The following MEGF8 variants were observed in gnomAD, a reference collection of about 807,000 sequenced individuals.
The protein encoded by MEGF8 is multiple EGF like domains 8, also known as multiple epidermal growth factor-like domains protein 8.
A neutral mutation model predicts 302.9 loss-of-function variants in MEGF8; 156 were observed. That is an observed-to-expected ratio of 0.52 (90% CI 0.45 to 0.59). MEGF8 has a LOEUF of 0.59. Among genes scored for constraint, MEGF8 ranks in the 20% least tolerant of loss-of-function variants. The probability of loss-of-function intolerance (pLI) is 0.00; values close to 1 mark genes in which losing one functional copy is unlikely to be tolerated. For missense variants in MEGF8, 3,345 were observed against 3,964.5 expected, an observed-to-expected ratio of 0.84 and a Z score of 4.20; for synonymous variants, 1,621 against 1,660.5, an observed-to-expected ratio of 0.98 and a Z score of 0.58.
chr19:42,343,930 C>T, intron 9 of MEGF8, 24 bp from the exon 10 acceptor site: 1 of 1,609,684 alleles, frequency 6.2e-7, no homozygotes, highest in Non-Finnish European at 8.5e-7. Context: ...TTGCCTCCCC[C>T]TCTGTCCCCT....
chr19:42,355,193 G>A (rs1367720459), intron 23 of MEGF8, among the ~76,000 whole-genome samples: 1 of 152,150 alleles, frequency 6.6e-6, no homozygotes, highest in African/African-American at 2.4e-5. Context: ...CTGACCTCAA[G>A]TGATTCGCCC....
rs369680099 is a variant in MEGF8, at chr19:42,363,103, C to G, written c.6114C>G (p.Ser2038Arg). 2.5e-6 allele frequency: 4 copies of G among 1,613,304 alleles called. No individual in the cohort carries two copies. ...VQPTYDWTCFSHSLLNVSPMP... is the reference protein window; with the variant it reads ...VQPTYDWTCFRHSLLNVSPMP... ...CCACCTATGACTGGACGTGCTTCAG[C>G]CACTCTCTGCTGAATGTGTCCCCCA... Residue 2038 changes from serine to arginine, a missense_variant, in exon 35 of 42, where the codon AGC (serine) becomes AGG (arginine). By Grantham distance (110) the Ser-to-Arg change is moderately radical. Transcript: ENST00000251268.
In MEGF8 at chr19:42,344,654, C is replaced by A; in HGVS notation, c.1934-16C>A. 1 of 1,562,984 alleles carries A rather than the reference C, an allele frequency of 6.4e-7. No homozygotes were observed. The highest frequency in any genetic ancestry group is 8.7e-7 in the Non-Finnish European group (1 of 1,150,738). ...CTCCACACTGACCCACCGGCCCCCA[C>A]CCCCTGTCTTCTCAGAGCAGGCCCG... On this transcript the variant is annotated splice_polypyrimidine_tract_variant and intron_variant, in intron 11 of 41. Transcript: ENST00000251268. The surrounding 1 kb of genome is among the most constrained non-coding windows in gnomAD (Gnocchi z 4.5).
At chr19:42,335,577 G>A (rs1236679160) in intron 5 of MEGF8, among the ~76,000 whole-genome samples, 192 bp downstream of exon 5, 1 of 151,788 alleles carries the variant, frequency 6.6e-6, no homozygotes, top group Non-Finnish European at 1.5e-5. Context: ...ATCTGCCTTT[G>A]TGCATCTTAT....
intron 1 of MEGF8, among the ~76,000 whole-genome samples, chr19:42,328,715 C>T (rs866815808): frequency 6.6e-6 from 1 of 152,066 alleles, no homozygotes; most frequent in South Asian, 2.1e-4. Context: ...TGGGGCGGAT[C>T]ACCTGACGTC....
rs771890594 is a variant in MEGF8 at position 42,359,176 on chromosome 19, G to A, written c.5422G>A (p.Glu1808Lys). ...VVLGGRSDPD[E>K]FSSDVLLYQV... ...TCTTGGGGGGCGCTCGGACCCTGAC[G>A]AGTTCAGCAGCGACGTTCTGCTCTA... The change falls in exon 31 of 42, where the codon GAG becomes AAG. Residue 1808 changes from glutamate (E) to lysine (K), a missense_variant. Glu to Lys is a moderately conservative substitution (Grantham distance 56). Transcript: ENST00000251268. 7 of 1,603,746 alleles carry A rather than the reference G, an allele frequency of 4.4e-6. No homozygotes were observed. Among genetic ancestry groups the A allele is most frequent in the African/African-American group, 1.3e-5 (1 of 74,328 alleles).
Position 42,326,328 on chromosome 19 carries a change from G to T in MEGF8, c.85G>T (p.Asp29Tyr), listed in dbSNP as rs750104104. The stretch of plus-strand genomic sequence containing the variant: ...GCTGTCCCCTGGGGCCCGGGCGGGG[G>T]ACTGCAAGGGGCAGCGGCAGGTGCT... Reference protein sequence around the residue: ...GSLSPGARAGDCKGQRQVLRE... With the variant: ...GSLSPGARAGYCKGQRQVLRE... Residue 29 changes from aspartate (D) to tyrosine (Y), a missense_variant, in exon 1 of 42, where the codon GAC (aspartate) becomes TAC (tyrosine). Physicochemically the swap from Asp to Tyr is radical, Grantham distance 160. Transcript: ENST00000251268. 4 of 1,571,082 alleles carry T rather than the reference G, an allele frequency of 2.5e-6. No homozygotes were observed. The highest frequency in any genetic ancestry group is 2.3e-5 in the South Asian group (2 of 85,656).
Position 42,378,279 on chromosome 19 carries a change from G to A in MEGF8, c.*1504G>A, listed in dbSNP as rs750587106. On this transcript the variant is annotated 3_prime_UTR_variant, in exon 42 of 42. Transcript: ENST00000251268. ...GCTGCAGGGATAAAGCTCAGTGGTGGTGTTACCTCACCGGGGACCAGGGTC... is the reference window on the plus strand; with the variant it reads ...GCTGCAGGGATAAAGCTCAGTGGTGATGTTACCTCACCGGGGACCAGGGTC... The A allele has an allele frequency of 6.6e-6, 1 of 152,590 alleles. No individual in the cohort carries two copies. Among genetic ancestry groups the A allele is most frequent in the Non-Finnish European group, 1.5e-5 (1 of 68,098 alleles). The allele number at this position is 152,590 out of a possible 1,614,324, so 9.5% of individuals were successfully genotyped here. A position where few individuals can be genotyped will look rare whatever the true frequency, so the allele number is the denominator to read the frequency against.
chr19:42,356,950 A>G lies in MEGF8; in HGVS notation c.4799A>G (p.Asn1600Ser), dbSNP rs748825495. Residue 1600 changes from asparagine to serine, a missense_variant, in exon 27 of 42, where the codon AAC becomes AGC. Asn to Ser is a conservative substitution (Grantham distance 46). Transcript: ENST00000251268. The surrounding 1 kb of genome is among the most constrained non-coding windows in gnomAD (Gnocchi z 5.2). ...GGVTRDFWVL[N>S]LTTLQWRQEK... ...GTCACCCGTGATTTCTGGGTCCTCA[A>G]CCTCACCACCCTGCAATGGCGGCAG... 2.5e-6 allele frequency: 4 copies of G among 1,609,602 alleles called. No individual in the cohort carries two copies. The South Asian group carries it at 3.3e-5, about 13-fold the overall frequency.
At position 42,326,073 on chromosome 19, in the gene MEGF8, A is replaced by G. The variant is rs773602097; in HGVS notation, c.-171A>G. 1 of 1,106,504 alleles carries G rather than the reference A, an allele frequency of 9.0e-7. No homozygotes were observed. Among genetic ancestry groups the G allele is most frequent in the Non-Finnish European group, 1.2e-6 (1 of 833,484 alleles). 68.5% of individuals were successfully genotyped at this position (1,106,504 alleles called of 1,614,324 possible). A position where few individuals can be genotyped will look rare whatever the true frequency, so the allele number is the denominator to read the frequency against. On this transcript the variant is annotated 5_prime_UTR_variant, in exon 1 of 42. Coordinates refer to ENST00000251268, the MANE Select transcript of MEGF8 (RefSeq NM_001271938.2). ...CAGCCCTCGGCTTCCAGAGCCTGTC[A>G]GCAGTGGCCGTACCCTTCGCCGGGA...
Position 42,343,936 on chromosome 19 carries a change from C to T in MEGF8, c.1669-18C>T. On this transcript the variant is annotated intron_variant, in intron 9 of 41. Transcript: ENST00000251268. Reference sequence around the variant, plus strand: ...TCCGTCCCCTTGCCTCCCCCTCTGTCCCCTTGCCTCCCTGCAGTACCACTT... The same window carrying T: ...TCCGTCCCCTTGCCTCCCCCTCTGTTCCCTTGCCTCCCTGCAGTACCACTT... 1.9e-6 allele frequency: 3 copies of T among 1,611,004 alleles called. No homozygotes were observed. The highest frequency in any genetic ancestry group is 8.5e-7 in the Non-Finnish European group (1 of 1,178,096).
chr19:42,375,183 C>G lies in MEGF8; in HGVS notation c.7270-324C>G, dbSNP rs111755453. Among the ~76,000 whole-genome samples the G allele has an allele frequency of 5.1e-4, 78 of 152,286 alleles. No individual in the cohort carries two copies. The highest frequency in any genetic ancestry group is 9.3e-4 in the Non-Finnish European group (63 of 68,008). ...TGAGGTTAAGTCACTAGTCCAAGGC[C>G]ACACAGCTAACAAGGAGGTAGAGCC... On this transcript the variant is annotated intron_variant, in intron 41 of 41. Transcript: ENST00000251268. The surrounding 1 kb of genome is among the most constrained non-coding windows in gnomAD (Gnocchi z 7.1).
chr19:42,337,240 GAGGGTCCCACCTCTCTCCAT>G, intron 8 of MEGF8, 34 bp downstream of exon 8: 1 of 1,611,948 alleles, frequency 6.2e-7, no homozygotes, highest in Non-Finnish European at 8.5e-7. Flanking sequence ...AGGGGCTCCT[GAGGGTCCCACCTCTCTCCAT>G]AGTGATTCTG....
Position 42,334,120 on chromosome 19 carries a change from G to A in MEGF8, c.465G>A (p.Pro155=). The change falls in exon 3 of 42, where the codon CCG becomes CCA. Residue 155 remains proline (P), a synonymous_variant. Transcript: ENST00000251268. ...GCQSHGQCQP[P]GVCACEPGWG... ...AGAGCCACGGGCAGTGCCAGCCACC[G>A]GGTGTGTGTGCCTGCGAGCCGGGCT... The A allele has an allele frequency of 1.2e-6, 2 of 1,612,798 alleles. No individual in the cohort carries two copies. Among genetic ancestry groups the A allele is most frequent in the Non-Finnish European group, 1.7e-6 (2 of 1,179,786 alleles).
rs1291408939 is a variant in MEGF8 at position 42,344,671 on chromosome 19, G to C, written c.1935G>C (p.Glu645Asp). 5 of 1,576,642 alleles carry C rather than the reference G, an allele frequency of 3.2e-6. No individual in the cohort carries two copies. The highest frequency in any genetic ancestry group is 4.3e-6 in the Non-Finnish European group (5 of 1,158,918). Residue 645 changes from glutamate (E) to aspartate (D), a missense_variant and splice_region_variant, in exon 12 of 42, where the codon GAG becomes GAC. Glu to Asp is a conservative substitution (Grantham distance 45, BLOSUM62 2). Coordinates refer to ENST00000251268, the MANE Select transcript of MEGF8 (RefSeq NM_001271938.2). The surrounding 1 kb of genome is among the most constrained non-coding windows in gnomAD (Gnocchi z 4.5). ...VHNESCLPRP[E>D]QARCRGEQIS... ...GGCCCCCACCCCCTGTCTTCTCAGA[G>C]CAGGCCCGCTGCCGAGGGGAGCAGA...
chr19:42,370,068 C>A, intron 38 of MEGF8, 121 bp from the exon 39 acceptor site: 2 of 1,140,084 alleles, frequency 1.8e-6, no homozygotes, highest in Non-Finnish European at 2.5e-6. Context: ...ATTGTCCAAA[C>A]CAGGTACCCG....
At chr19:42,333,193 TATG>T (rs1334574024) in intron 1 of MEGF8, among the ~76,000 whole-genome samples, 1 of 152,146 alleles carries the variant, frequency 6.6e-6, no homozygotes, top group Non-Finnish European at 1.5e-5. Context: ...TCACTGGGAT[TATG>T]ACCTTGACCC....
rs543742351 is a variant in MEGF8, at chr19:42,370,077, C to T, written c.6835-112C>T. 25 of 1,217,066 alleles carry T rather than the reference C, an allele frequency of 2.1e-5. No individual in the cohort carries two copies. In the East Asian group the frequency reaches 3.0e-4, roughly 15 times the overall value. 75.4% of individuals were successfully genotyped at this position (1,217,066 alleles called of 1,614,324 possible). Reference sequence around the variant, plus strand: ...GCTGGGATTGTCCAAACCAGGTACCCGAGCCTCTGCTGCCCTCCCGTGGGC... The same window carrying T: ...GCTGGGATTGTCCAAACCAGGTACCTGAGCCTCTGCTGCCCTCCCGTGGGC... On this transcript the variant is annotated intron_variant, in intron 38 of 41. Coordinates refer to ENST00000251268, the MANE Select transcript of MEGF8 (RefSeq NM_001271938.2).
chr19:42,344,582 C>A lies in MEGF8; in HGVS notation c.1930C>A (p.Pro644Thr). The A allele has an allele frequency of 6.3e-7, 1 of 1,591,858 alleles. No individual in the cohort carries two copies. ...CVHNESCLPR[P>T]EQARCRGEQI... is the part of the protein sequence containing the mutation. The stretch of plus-strand genomic sequence containing the variant: ...GCACAATGAGAGCTGCCTCCCTAGG[C>A]CTGGTGAGTGTCCGCAGCAGTGGGC... Residue 644 changes from proline to threonine, a missense_variant, in exon 11 of 42, where the codon CCT becomes ACT. Transcript: ENST00000251268. The surrounding 1 kb of genome is among the most constrained non-coding windows in gnomAD (Gnocchi z 4.5).
Sources: allele counts gnomAD v4.1 joint callset (sites outside exome capture counted in the v4.1 genomes callset), GRCh38; gene constraint gnomAD v4.1.1; non-coding constraint Gnocchi (gnomAD v3.1); transcripts MANE v1.5; gene names NCBI Gene and HGNC (gene_info 2026-07-23, HGNC 2026-07-21).